The following PDZD2 variants were observed in gnomAD, a reference collection of about 807,000 sequenced individuals.
The protein encoded by PDZD2 is PDZ domain-containing protein 2.
Under a neutral mutation model 220.7 loss-of-function variants are expected in PDZD2, and 90 were observed. The ratio of observed to expected loss-of-function variants is 0.41; its 90% confidence interval spans 0.34 to 0.49. The LOEUF (loss-of-function observed/expected upper bound fraction) is 0.49. Among genes scored for constraint, PDZD2 ranks in the 20% least tolerant of loss-of-function variants. The pLI is 0.28. For missense variants in PDZD2, 3,174 were observed against 3,608.5 expected, an observed-to-expected ratio of 0.88 and a Z score of 3.08; for synonymous variants, 1,375 against 1,450.5, an observed-to-expected ratio of 0.95 and a Z score of 1.18.
intron 2 of PDZD2, among the ~76,000 whole-genome samples, chr5:31,903,714 A>AT (rs1484007840): frequency 2.6e-5 from 4 of 151,566 alleles, no homozygotes; most frequent in Non-Finnish European, 5.9e-5. Flanking sequence ...AGTGAAAAAC[A>AT]TTTTTTGTTT....
At chr5:31,749,753 C>T (rs1007884619) in intron 1 of PDZD2, among the ~76,000 whole-genome samples, 1 of 152,186 alleles carries the variant, frequency 6.6e-6, no homozygotes, top group Admixed American at 6.5e-5. Context: ...CTTCACCTTC[C>T]TGGTGCTCAG....
intron 2 of PDZD2, among the ~76,000 whole-genome samples, chr5:31,884,240 C>T (rs1740216538): frequency 7.0e-6 from 1 of 142,232 alleles, no homozygotes; most frequent in Non-Finnish European, 1.6e-5. Flanking sequence ...TGCATACATA[C>T]ATACATACAT....
At chr5:31,995,751 C>T (rs1220618420) in intron 4 of PDZD2, 33 bp downstream of exon 4, 10 of 1,588,596 alleles carry the variant, frequency 6.3e-6, no homozygotes, top group Non-Finnish European at 8.6e-6. Context: ...TCCCCCATCC[C>T]TCTGCCTCCT....
chr5:31,773,902 G>A (rs1391022905), intron 1 of PDZD2, among the ~76,000 whole-genome samples: 2 of 152,022 alleles, frequency 1.3e-5, no homozygotes, highest in South Asian at 2.1e-4. Context: ...GAAGAGTGTT[G>A]AGAGTGATCT....
intron 1 of PDZD2, among the ~76,000 whole-genome samples, chr5:31,797,914 G>A (rs981751659): frequency 2.6e-5 from 4 of 152,228 alleles, no homozygotes; most frequent in African/African-American, 7.2e-5. Context: ...TTCTCTGGGA[G>A]AAAGTGAAGT....
Position 31,756,070 on chromosome 5 carries a change from C to T in PDZD2, c.-360-42819C>T, listed in dbSNP as rs537829263. On this transcript the variant is annotated intron_variant, in intron 1 of 24. Transcript: ENST00000438447. ...AATTTAGACCTCCAGAAATGCCTGG[C>T]CTGTAGAGGAATGGGACACCCGAAA... Among the ~76,000 whole-genome samples the T allele has an allele frequency of 4.6e-5, 7 of 152,130 alleles. 1 individual carries two copies. The highest frequency in any genetic ancestry group is 1.7e-4 in the African/African-American group (7 of 41,496).
At chr5:31,859,524 T>A (rs2150310276) in intron 2 of PDZD2, among the ~76,000 whole-genome samples, 1 of 152,352 alleles carries the variant, frequency 6.6e-6, no homozygotes, top group South Asian at 2.1e-4. Flanking sequence ...TTTTATAACC[T>A]CCTGTTACTG....
intron 1 of PDZD2, among the ~76,000 whole-genome samples, chr5:31,733,322 A>C (rs573529131): frequency 1.3e-5 from 2 of 152,314 alleles, no homozygotes; most frequent in South Asian, 4.1e-4. Flanking sequence ...AGGATGAAAA[A>C]ATCCTGGGGG....
chr5:31,952,996 T>TGCA (rs1747314194), intron 2 of PDZD2, among the ~76,000 whole-genome samples: 1 of 145,984 alleles, frequency 6.9e-6, no homozygotes, highest in Admixed American at 7.1e-5. Context: ...AGGCAGAGGC[T>TGCA]GCAGTGAGTC....
At chr5:31,685,650 A>T (rs928340684) in intron 1 of PDZD2, among the ~76,000 whole-genome samples, 2 of 152,022 alleles carry the variant, frequency 1.3e-5, no homozygotes, top group African/African-American at 2.4e-5. Flanking sequence ...TAGCCTTCCG[A>T]GTAGCTGGGA....
chr5:31,956,198 A>G (rs1407039084), intron 2 of PDZD2, among the ~76,000 whole-genome samples: 1 of 152,142 alleles, frequency 6.6e-6, no homozygotes, highest in Non-Finnish European at 1.5e-5. Flanking sequence ...TGATCTATCC[A>G]TTGTTCAAAG....
At chr5:32,041,815 G>A (rs375660269) in intron 7 of PDZD2, among the ~76,000 whole-genome samples, 5 of 143,364 alleles carry the variant, frequency 3.5e-5, no homozygotes, top group East Asian at 4.2e-4. Flanking sequence ...CCCCCTCTCC[G>A]AGAAACACCC....
At chr5:31,993,354 A>G (rs1751379105) in intron 3 of PDZD2, among the ~76,000 whole-genome samples, 1 of 152,168 alleles carries the variant, frequency 6.6e-6, no homozygotes, top group Non-Finnish European at 1.5e-5. Flanking sequence ...TGTTCCTGGG[A>G]TAGCGGAGCC....
chr5:31,821,674 C>T (rs547840087), intron 2 of PDZD2, among the ~76,000 whole-genome samples: 4 of 152,108 alleles, frequency 2.6e-5, no homozygotes, highest in South Asian at 2.1e-4. Flanking sequence ...CCACTGTGCC[C>T]GGCCATGATT....
At chr5:31,830,345 T>TTG in intron 2 of PDZD2, among the ~76,000 whole-genome samples, 1 of 147,900 alleles carries the variant, frequency 6.8e-6, no homozygotes, top group African/African-American at 2.5e-5. Flanking sequence ...TTTTTTTTTT[T>TTG]TTTTGTATTT....
At chr5:32,082,975 CCT>C (rs1338418396) in intron 19 of PDZD2, among the ~76,000 whole-genome samples, 2 of 152,080 alleles carry the variant, frequency 1.3e-5, no homozygotes, top group East Asian at 1.9e-4. Flanking sequence ...ATCCAGGCCC[CCT>C]GTTTGTCACT....
At chr5:31,734,261 AC>A (rs1332451564) in intron 1 of PDZD2, among the ~76,000 whole-genome samples, 1 of 152,088 alleles carries the variant, frequency 6.6e-6, no homozygotes, top group East Asian at 1.9e-4. Context: ...TCCTAAAAAA[AC>A]CTCTGAATGT....
chr5:31,661,972 G>A (rs1191300220), intron 1 of PDZD2, among the ~76,000 whole-genome samples: 1 of 151,980 alleles, frequency 6.6e-6, no homozygotes, highest in African/African-American at 2.4e-5. Flanking sequence ...GGCCTCTTGA[G>A]GTCCTAGTTT....
At chr5:32,052,814 G>T in intron 9 of PDZD2, 84 bp downstream of exon 9, 1 of 1,466,574 alleles carries the variant, frequency 6.8e-7, no homozygotes, top group Non-Finnish European at 9.4e-7. Context: ...ATTTGTTTTT[G>T]TGTTTTTGTT....
Sources: gnomAD v4.1 joint callset for allele counts (sites outside exome capture counted in the v4.1 genomes callset) on GRCh38, gnomAD v4.1.1 for gene constraint, MANE v1.5 for transcripts, NCBI Gene and HGNC (gene_info 2026-07-23, HGNC 2026-07-21) for gene names.